HECW1: variants seen among roughly 807,000 people sequenced by gnomAD.
HECW1 encodes the protein HECT, C2 and WW domain containing E3 ubiquitin protein ligase 1, also known as E3 ubiquitin-protein ligase HECW1.
Under a neutral mutation model 182.3 loss-of-function variants are expected in HECW1, and 61 were observed. That is an observed-to-expected ratio of 0.33 (90% CI 0.27 to 0.41). HECW1 has a LOEUF of 0.41. Ranked by LOEUF, HECW1 falls within the 10% of genes least tolerant of loss-of-function variation. The pLI, the probability that HECW1 is intolerant of heterozygous loss-of-function variation, is 1.00. For missense variants in HECW1, 1,739 were observed against 2,108.9 expected, an observed-to-expected ratio of 0.82 and a Z score of 3.44; for synonymous variants, 859 against 832.6, an observed-to-expected ratio of 1.03 and a Z score of -0.55.
chr7:43,229,704 G>A (rs1344982663), intron 2 of HECW1, among the ~76,000 whole-genome samples: 1 of 152,060 alleles, frequency 6.6e-6, no homozygotes, highest in East Asian at 1.9e-4. Context: ...GTTAATGGAT[G>A]GTAAAGGAAA....
intron 3 of HECW1, chr7:43,248,692 CCTT>C (rs1799689195): frequency 3.2e-5 from 2 of 63,160 alleles, no homozygotes; most frequent in Non-Finnish European, 2.8e-5. Context: ...TCCTCCTCCT[CCTT>C]TTCCTCCTCC....
Position 43,220,830 on chromosome 7 carries a change from G to A in HECW1, c.-31-23045G>A, listed in dbSNP as rs116173284. Among the ~76,000 whole-genome samples, 1,269 of 152,356 alleles carry A rather than the reference G, an allele frequency of 8.3e-3. 14 individuals carry two copies. The highest frequency in any genetic ancestry group is 0.029 in the African/African-American group (1,188 of 41,578). ...GCCCTGGAACAAAGGAGAGAAGGGA[G>A]ACCAGTTTCTTGTGAGCTTTCCATT... is the stretch of plus-strand genomic sequence containing the variant. On this transcript the variant is annotated intron_variant, in intron 2 of 29. Coordinates refer to ENST00000395891, the MANE Select transcript of HECW1 (RefSeq NM_015052.5).
In HECW1 at chr7:43,338,692, T is replaced by A. The variant is rs994037741; in HGVS notation, c.460+17950T>A. Among the ~76,000 whole-genome samples the A allele has an allele frequency of 3.9e-5, 6 of 152,196 alleles. No individual in the cohort carries two copies. The South Asian group carries it at 1.2e-3, about 31-fold the overall frequency. ...AATTTAAGTGCAGAGCTTATGAATT[T>A]TTCAGAAAGGGAACTCTTTCACGTA... On this transcript the variant is annotated intron_variant, in intron 5 of 29. Transcript: ENST00000395891.
intron 2 of HECW1, among the ~76,000 whole-genome samples, chr7:43,211,811 C>G (rs900566437): frequency 6.6e-6 from 1 of 152,188 alleles, no homozygotes; most frequent in Non-Finnish European, 1.5e-5. Context: ...AGCTTCCCTT[C>G]TGTTTCTGCC....
chr7:43,487,984 A>AG (rs1563044164), intron 17 of HECW1, among the ~76,000 whole-genome samples: 4 of 126,750 alleles, frequency 3.2e-5, no homozygotes, highest in Non-Finnish European at 7.4e-5. Context: ...GAGAGAGAGA[A>AG]AGAAAAAAGA....
At chr7:43,262,414 T>C (rs149287555) in intron 3 of HECW1, among the ~76,000 whole-genome samples, 138 of 152,312 alleles carry the variant, frequency 9.1e-4, no homozygotes, top group African/African-American at 3.2e-3. Context: ...GATGATATTA[T>C]TTCACATATG....
intron 11 of HECW1, among the ~76,000 whole-genome samples, chr7:43,446,314 T>C (rs1009823588): frequency 5.3e-5 from 8 of 152,236 alleles, no homozygotes; most frequent in Non-Finnish European, 1.2e-4. Flanking sequence ...TGTTCTTTCT[T>C]AGTCATGCCT....
At chr7:43,200,905 C>T (rs529991792) in intron 2 of HECW1, among the ~76,000 whole-genome samples, 2 of 152,304 alleles carry the variant, frequency 1.3e-5, no homozygotes, top group African/African-American at 2.4e-5. Context: ...CTTACCAAAG[C>T]GGCTCGATGG....
At chr7:43,463,457 G>A (rs1177170971) in intron 13 of HECW1, among the ~76,000 whole-genome samples, 2 of 152,128 alleles carry the variant, frequency 1.3e-5, no homozygotes, top group Admixed American at 6.5e-5. Flanking sequence ...ACTCATCATA[G>A]CTTGCAAAAC....
At chr7:43,168,342 A>T (rs1583791808) in intron 2 of HECW1, among the ~76,000 whole-genome samples, 1 of 152,306 alleles carries the variant, frequency 6.6e-6, no homozygotes, top group South Asian at 2.1e-4. Flanking sequence ...GTGAACACAC[A>T]GAGACCTTGG....
chr7:43,250,297 G>A (rs1394133441), intron 3 of HECW1, among the ~76,000 whole-genome samples: 2 of 152,150 alleles, frequency 1.3e-5, no homozygotes, highest in African/African-American at 4.8e-5. Context: ...GAAATGAGGG[G>A]TCTGTGACAC....
At chr7:43,416,820 A>T (rs2076020494) in intron 8 of HECW1, among the ~76,000 whole-genome samples, 1 of 136,506 alleles carries the variant, frequency 7.3e-6, no homozygotes, top group South Asian at 2.6e-4. Flanking sequence ...CCTTTCTTTG[A>T]CTCGGAAAGG....
chr7:43,190,398 C>T (rs138350344), intron 2 of HECW1, among the ~76,000 whole-genome samples: 299 of 152,252 alleles, frequency 2.0e-3, no homozygotes, highest in African/African-American at 6.8e-3. Context: ...AGGCGTGAGC[C>T]CCTGCGCCTG....
intron 2 of HECW1, among the ~76,000 whole-genome samples, chr7:43,195,846 A>G (rs1794413793): frequency 6.6e-6 from 1 of 152,178 alleles, no homozygotes. Flanking sequence ...TCCTGGAAGA[A>G]GGTAGAAATT....
At chr7:43,311,656 C>T in intron 3 of HECW1, 107 bp from the exon 4 acceptor site, 9 of 986,806 alleles carry the variant, frequency 9.1e-6, no homozygotes, top group South Asian at 2.6e-5. Flanking sequence ...AGCAGGGCAG[C>T]TCACTCACAG....
rs1423300147 is a variant in HECW1, at chr7:43,432,372, C to T, written c.802-5631C>T. Among the ~76,000 whole-genome samples the T allele has an allele frequency of 6.6e-6, 1 of 152,042 alleles. No homozygotes were observed. Among genetic ancestry groups the T allele is most frequent in the Non-Finnish European group, 1.5e-5 (1 of 67,990 alleles). Reference sequence around the variant, plus strand: ...GCCGGGATGGTCTCGATCTCCTGACCTCGTGATCCGCCCGCCTCGGCCTCC... The same window carrying T: ...GCCGGGATGGTCTCGATCTCCTGACTTCGTGATCCGCCCGCCTCGGCCTCC... On this transcript the variant is annotated intron_variant, in intron 8 of 29. Transcript: ENST00000395891. The surrounding 1 kb of genome is among the most constrained non-coding windows in gnomAD (Gnocchi z 4.1).
chr7:43,377,450 G>T (rs549277168), intron 6 of HECW1, among the ~76,000 whole-genome samples: 18 of 152,108 alleles, frequency 1.2e-4, no homozygotes, highest in African/African-American at 4.3e-4. Context: ...TTAATCTCAG[G>T]TTCTAGTAGA....
At chr7:43,453,075 C>T (rs902716205) in intron 12 of HECW1, among the ~76,000 whole-genome samples, 3 of 152,276 alleles carry the variant, frequency 2.0e-5, no homozygotes, top group African/African-American at 7.2e-5. Flanking sequence ...GGCTTTTACT[C>T]TGAACGAAAG....
At chr7:43,451,025 G>A (rs1412982544) in intron 12 of HECW1, 96 bp downstream of exon 12, 15 of 838,022 alleles carry the variant, frequency 1.8e-5, no homozygotes, top group Admixed American at 3.8e-5. Context: ...AGTCTTTCCC[G>A]ACTCCGTGCC....
Sources: allele counts gnomAD v4.1 joint callset (sites outside exome capture counted in the v4.1 genomes callset), GRCh38; gene constraint gnomAD v4.1.1; non-coding constraint Gnocchi (gnomAD v3.1); transcripts MANE v1.5; gene names NCBI Gene and HGNC (gene_info 2026-07-23, HGNC 2026-07-21).